Variants in ZC3H12B observed in about 807,000 individuals in gnomAD.
ZC3H12B encodes the protein probable ribonuclease ZC3H12B.
A neutral mutation model predicts 43.9 loss-of-function variants in ZC3H12B; 7 were observed. The observed-to-expected ratio is 0.16, with a 90% CI of 0.09 to 0.30. The LOEUF is 0.30. Among genes scored for constraint, ZC3H12B ranks in the 10% least tolerant of loss-of-function variants. The pLI is 1.00. For missense variants in ZC3H12B, 475 were observed against 670.2 expected (o/e 0.71, Z 3.22); for synonymous variants, 222 against 241.7 (o/e 0.92, Z 0.76).
the ZC3H12B span, among the ~76,000 whole-genome samples, chrX:65,201,087 T>A: frequency 8.9e-6 from 1 of 111,964 alleles, no homozygotes; most frequent in East Asian, 2.8e-4. Context: ...TTTGTTTCAA[T>A]TTTTTTGGAA....
the ZC3H12B span, among the ~76,000 whole-genome samples, chrX:65,265,444 C>G: frequency 1.9e-3 from 216 of 112,148 alleles, no homozygotes; most frequent in Non-Finnish European, 3.1e-3. Flanking sequence ...TACTGGCAGC[C>G]AGGTGGCAGC....
the ZC3H12B span, among the ~76,000 whole-genome samples, chrX:65,164,123 G>T: frequency 9.0e-6 from 1 of 111,705 alleles, no homozygotes; most frequent in African/African-American, 3.2e-5. Flanking sequence ...GTGAGAGGAT[G>T]GGAGATATTT....
chrX:65,468,802 G>T (rs1445477649), intron 3 of ZC3H12B, among the ~76,000 whole-genome samples: 1 of 109,636 alleles, frequency 9.1e-6, no homozygotes, highest in African/African-American at 3.3e-5. Context: ...GGTATTTTTT[G>T]ATAGGAATTG....
At chrX:65,167,716 C>T in the ZC3H12B span, among the ~76,000 whole-genome samples, 6 of 111,063 alleles carry the variant, frequency 5.4e-5, no homozygotes, top group Non-Finnish European at 1.1e-4. Context: ...TCTTTTATTT[C>T]AGCAGTGGTT....
the ZC3H12B span, among the ~76,000 whole-genome samples, chrX:65,249,328 G>T: frequency 1.8e-5 from 2 of 111,898 alleles, no homozygotes; most frequent in African/African-American, 6.5e-5. Flanking sequence ...GTTGAAAATG[G>T]TATCCTATCC....
intron 3 of ZC3H12B, among the ~76,000 whole-genome samples, chrX:65,468,442 T>G (rs2067854216): frequency 1.8e-5 from 2 of 110,240 alleles, no homozygotes; most frequent in South Asian, 7.6e-4. Flanking sequence ...TTCGGGTTTG[T>G]TTTTGATTCC....
At chrX:65,373,984 C>T (rs368530136) in intron 2 of ZC3H12B, among the ~76,000 whole-genome samples, 62 of 6,086 alleles carry the variant, frequency 0.01, 5 homozygotes, top group African/African-American at 0.019. Context: ...TATATATATA[C>T]TATATATATA....
the ZC3H12B span, among the ~76,000 whole-genome samples, chrX:65,045,640 G>A: frequency 1.8e-5 from 2 of 111,461 alleles, no homozygotes; most frequent in Admixed American, 9.5e-5. Context: ...AATCCATGGG[G>A]ATTGGATCCA....
the ZC3H12B span, among the ~76,000 whole-genome samples, chrX:65,245,652 T>TA: frequency 2.7e-5 from 3 of 111,291 alleles, no homozygotes; most frequent in Non-Finnish European, 3.8e-5. Context: ...CCATTCATGT[T>TA]AAAAAAAATT....
intron 1 of ZC3H12B, among the ~76,000 whole-genome samples, chrX:65,368,240 T>C (rs2066198915): frequency 1.8e-5 from 2 of 111,769 alleles, no homozygotes; most frequent in Non-Finnish European, 3.8e-5. Context: ...TGTCTTTTCA[T>C]TTAATTGGAT....
At chrX:65,257,276 A>G in the ZC3H12B span, among the ~76,000 whole-genome samples, 1 of 112,139 alleles carries the variant, frequency 8.9e-6, no homozygotes, top group Non-Finnish European at 1.9e-5. Flanking sequence ...TGCAGCCATA[A>G]AAAAGGATGA....
At chrX:65,391,546 G>A (rs190751652) in intron 2 of ZC3H12B, among the ~76,000 whole-genome samples, 10 of 111,341 alleles carry the variant, frequency 9.0e-5, no homozygotes, top group South Asian at 3.8e-4. Flanking sequence ...GAGCCAGTGG[G>A]GGATATGGGG....
At chrX:65,072,264 T>C in the ZC3H12B span, among the ~76,000 whole-genome samples, 1 of 112,637 alleles carries the variant, frequency 8.9e-6, no homozygotes. Flanking sequence ...GTGATTGCAT[T>C]ATGAAATTCT....
the ZC3H12B span, among the ~76,000 whole-genome samples, chrX:65,315,273 T>A: frequency 9.0e-6 from 1 of 111,686 alleles, no homozygotes; most frequent in East Asian, 2.8e-4. Context: ...TCTAAATAAG[T>A]AGAAAAAATA....
chrX:65,352,358 C>T, the ZC3H12B span, among the ~76,000 whole-genome samples: 28 of 110,743 alleles, frequency 2.5e-4, no homozygotes, highest in African/African-American at 9.2e-4. Flanking sequence ...GGAGAAATAC[C>T]TAATGTAGGT....
At chrX:65,148,918 TTTC>T in the ZC3H12B span, among the ~76,000 whole-genome samples, 1 of 111,833 alleles carries the variant, frequency 8.9e-6, no homozygotes, top group Admixed American at 9.5e-5. Flanking sequence ...CAGTGCTCTT[TTTC>T]TTCTTCTTCA....
At chrX:65,350,124 C>A in the ZC3H12B span, among the ~76,000 whole-genome samples, 3 of 109,039 alleles carry the variant, frequency 2.8e-5, no homozygotes, top group Admixed American at 9.6e-5. Context: ...TACTGGCAAA[C>A]CGAGTCCAGC....
At chrX:65,272,055 A>G in the ZC3H12B span, 1 of 109,461 alleles carries the variant, frequency 9.1e-6, no homozygotes, top group Non-Finnish European at 1.9e-5. Context: ...TCTACTAAAA[A>G]TACAAAAAAC....
chrX:65,289,235 A>G, the ZC3H12B span, among the ~76,000 whole-genome samples: 1 of 111,256 alleles, frequency 9.0e-6, no homozygotes, highest in Non-Finnish European at 1.9e-5. Context: ...CGTTAGAAAA[A>G]AGAAAATTTA....
Sources: gnomAD v4.1 joint callset for allele counts (sites outside exome capture counted in the v4.1 genomes callset) on GRCh38, gnomAD v4.1.1 for gene constraint, MANE v1.5 for transcripts, NCBI Gene and HGNC (gene_info 2026-07-23, HGNC 2026-07-21) for gene names.